The following KANK1 variants were observed in gnomAD, a reference collection of about 807,000 sequenced individuals.
KANK1 encodes KN motif and ankyrin repeat domain-containing protein 1.
KANK1 carries 109 observed loss-of-function variants against 106.2 expected under a neutral mutation model. The observed-to-expected ratio is 1.03, with a 90% CI of 0.88 to 1.20. The LOEUF (loss-of-function observed/expected upper bound fraction) is 1.20, where lower values mean the gene tolerates loss of function less well. KANK1 is among the 50% of genes most tolerant of loss of function. The probability of loss-of-function intolerance (pLI) is 0.00; values close to 1 mark genes in which losing one functional copy is unlikely to be tolerated. For synonymous variants in KANK1, 873 were observed against 652.2 expected, an observed-to-expected ratio of 1.34 and a Z score of -5.16; for missense variants, 2,399 against 1,710.7, an observed-to-expected ratio of 1.40 and a Z score of -7.10.
At position 568,973 on chromosome 9, in the gene KANK1, G is replaced by A. The variant is rs1157911272; in HGVS notation, c.-84+64219G>A. Among the ~76,000 whole-genome samples, 7 of 152,258 alleles carry A rather than the reference G, an allele frequency of 4.6e-5. No homozygotes were observed. In the South Asian group the frequency reaches 8.3e-4, roughly 18 times the overall value. ...GGTATATTTGAGTATGTAGCTCACTGTAGACAGAGCTCCTGGGGAGGGAGG... is the reference window on the plus strand; with the variant it reads ...GGTATATTTGAGTATGTAGCTCACTATAGACAGAGCTCCTGGGGAGGGAGG... On this transcript the variant is annotated intron_variant, in intron 1 of 11. Transcript: ENST00000382297.
At chr9:590,662 G>T (rs929174731) in intron 1 of KANK1, among the ~76,000 whole-genome samples, 4 of 148,374 alleles carry the variant, frequency 2.7e-5, no homozygotes, top group Non-Finnish European at 5.9e-5. Flanking sequence ...AGGTGTGTAT[G>T]CCTAAATAAG....
chr9:720,526 G>A (rs963725331), intron 3 of KANK1, among the ~76,000 whole-genome samples: 2 of 152,166 alleles, frequency 1.3e-5, no homozygotes, highest in Admixed American at 6.5e-5. Context: ...GTTTTGTTGT[G>A]TTCTGTTTGT....
At position 711,977 on chromosome 9, in the gene KANK1, G is replaced by C; in HGVS notation, c.1211G>C (p.Gly404Ala). ...ENGECRSVAV[G>A]AEENMNDIVV... The stretch of plus-strand genomic sequence containing the variant: ...GGAGAGTGCCGGTCTGTGGCTGTGG[G>C]TGCCGAGGAGAACATGAACGACATC... Residue 404 changes from glycine (G) to alanine (A), a missense_variant, in exon 3 of 12, where the codon GGT (glycine) becomes GCT (alanine). Physicochemically the swap from Gly to Ala is moderately conservative, Grantham distance 60. Transcript: ENST00000382297. 1 of 1,614,172 alleles carries C rather than the reference G, an allele frequency of 6.2e-7. No homozygotes were observed. The highest frequency in any genetic ancestry group is 8.5e-7 in the Non-Finnish European group (1 of 1,180,034).
chr9:603,373 G>T (rs1349306357), intron 1 of KANK1, among the ~76,000 whole-genome samples: 1 of 151,872 alleles, frequency 6.6e-6, no homozygotes, highest in African/African-American at 2.4e-5. Flanking sequence ...AGAACTTGAA[G>T]TAGCTTTGAT....
At chr9:735,248 T>TCAG (rs2131931688) in intron 7 of KANK1, among the ~76,000 whole-genome samples, 1 of 152,358 alleles carries the variant, frequency 6.6e-6, no homozygotes, top group African/African-American at 2.4e-5. Flanking sequence ...TGAGCCAAGG[T>TCAG]CAGCATTCCT....
chr9:710,816 A>G lies in KANK1; in HGVS notation c.50A>G (p.Asp17Gly). 6.3e-7 allele frequency: 1 copy of G among 1,587,586 alleles called. No homozygotes were observed. Among genetic ancestry groups the G allele is most frequent in the Non-Finnish European group, 8.5e-7 (1 of 1,170,194 alleles). ...CTCCCTCTTCTAGGAAAAGCAGGTG[A>G]TATTCTCAGTGGAGACCAGGACAAG... ...VNGSASGKAGDILSGDQDKEQ... is the reference protein window; with the variant it reads ...VNGSASGKAGGILSGDQDKEQ... Residue 17 changes from aspartate to glycine, a missense_variant, in exon 3 of 12, where the codon GAT (aspartate) becomes GGT (glycine). By Grantham distance (94) the Asp-to-Gly change is moderately conservative. Coordinates refer to ENST00000382297, the MANE Select transcript of KANK1 (RefSeq NM_015158.5).
chr9:713,224 A>G lies in KANK1; in HGVS notation c.2458A>G (p.Met820Val), dbSNP rs767943117. Residue 820 changes from methionine to valine, a missense_variant, in exon 3 of 12, where the codon ATG (methionine) becomes GTG (valine). Physicochemically the swap from Met to Val is conservative, Grantham distance 21. Coordinates refer to ENST00000382297, the MANE Select transcript of KANK1 (RefSeq NM_015158.5). ...CCAGCCTCAAGCTCCACTTGGAATG[A>G]TGACTGGCCTGGATCACTACATTGA... Reference protein sequence around the residue: ...NPQPQAPLGMMTGLDHYIERI... With the variant: ...NPQPQAPLGMVTGLDHYIERI... 1.3e-6 allele frequency: 2 copies of G among 1,597,184 alleles called. No homozygotes were observed. The highest frequency in any genetic ancestry group is 1.7e-6 in the Non-Finnish European group (2 of 1,171,660).
intron 1 of KANK1, among the ~76,000 whole-genome samples, chr9:621,575 C>T (rs1833153110): frequency 6.6e-6 from 1 of 152,168 alleles, no homozygotes; most frequent in East Asian, 1.9e-4. Context: ...GGAATGTCCG[C>T]AATTAGAGTT....
intron 3 of KANK1, among the ~76,000 whole-genome samples, chr9:495,053 A>G (rs12001430): frequency 6.6e-6 from 1 of 152,226 alleles, no homozygotes; most frequent in Non-Finnish European, 1.5e-5. Context: ...TGTTTAGATA[A>G]TAACTTTCTA....
intron 1 of KANK1, among the ~76,000 whole-genome samples, chr9:573,262 TTTATTA>T (rs376782211): frequency 8.6e-5 from 13 of 151,642 alleles, no homozygotes; most frequent in South Asian, 6.3e-4. Flanking sequence ...AAAATGAGGA[TTTATTA>T]TTATTATTAT....
chr9:605,322 C>CAAA, intron 1 of KANK1, among the ~76,000 whole-genome samples: 1 of 138,018 alleles, frequency 7.2e-6, no homozygotes, highest in Non-Finnish European at 1.6e-5. Flanking sequence ...AAAAAAAAAT[C>CAAA]TAATACTAGC....
intron 1 of KANK1, among the ~76,000 whole-genome samples, chr9:512,230 AGTGT>A (rs71678968): frequency 8.0e-5 from 11 of 136,970 alleles, no homozygotes; most frequent in Non-Finnish European, 1.5e-4. Flanking sequence ...CATAACCAAT[AGTGT>A]GTGTGTGTGT....
intron 1 of KANK1, among the ~76,000 whole-genome samples, chr9:572,255 A>G (rs1819393462): frequency 6.6e-6 from 1 of 150,680 alleles, no homozygotes; most frequent in African/African-American, 2.4e-5. Flanking sequence ...TCCTGGGCTC[A>G]AGGCATCCTC....
intron 7 of KANK1, among the ~76,000 whole-genome samples, chr9:736,277 G>C (rs528730348): frequency 6.6e-6 from 1 of 152,170 alleles, no homozygotes; most frequent in South Asian, 2.1e-4. Flanking sequence ...TTAACACAAT[G>C]TAAATGCTAT....
chr9:642,396 G>A (rs1045198161), intron 1 of KANK1, among the ~76,000 whole-genome samples: 2 of 150,922 alleles, frequency 1.3e-5, no homozygotes, highest in Non-Finnish European at 2.9e-5. Context: ...TATTTTTACA[G>A]CAGCTTCTCT....
intron 1 of KANK1, among the ~76,000 whole-genome samples, chr9:555,017 G>A (rs2061496204): frequency 1.3e-5 from 2 of 152,184 alleles, no homozygotes; most frequent in South Asian, 2.1e-4. Context: ...GGCTGCCTGG[G>A]CATCCGTTTG....
At chr9:571,172 T>C (rs1022053699) in intron 1 of KANK1, among the ~76,000 whole-genome samples, 5 of 152,150 alleles carry the variant, frequency 3.3e-5, no homozygotes, top group African/African-American at 1.2e-4. Context: ...CCAGCTCCAC[T>C]GTGGGGTGTT....
At chr9:561,431 GTTAC>G (rs1309156799) in intron 1 of KANK1, among the ~76,000 whole-genome samples, 1 of 152,156 alleles carries the variant, frequency 6.6e-6, no homozygotes, top group Non-Finnish European at 1.5e-5. Flanking sequence ...ATCCCTGACA[GTTAC>G]TTTGGTCATT....
At chr9:538,469 C>G (rs2060422057) in intron 1 of KANK1, among the ~76,000 whole-genome samples, 1 of 152,296 alleles carries the variant, frequency 6.6e-6, no homozygotes, top group Non-Finnish European at 1.5e-5. Context: ...ATTGACAAAA[C>G]AATTTTGAGG....
Sources: allele counts gnomAD v4.1 joint callset (sites outside exome capture counted in the v4.1 genomes callset), GRCh38; gene constraint gnomAD v4.1.1; transcripts MANE v1.5; gene names NCBI Gene and HGNC (gene_info 2026-07-23, HGNC 2026-07-21).